Variants in RECQL4 observed in about 807,000 individuals in gnomAD.
RECQL4 encodes the protein ATP-dependent DNA helicase Q4.
In RECQL4, 158 loss-of-function variants were observed where a neutral mutation model predicts 128.6. That is an observed-to-expected ratio of 1.23 (90% CI 1.08 to 1.40). The LOEUF is 1.40. Among genes scored for constraint, RECQL4 ranks in the 40% most tolerant of loss-of-function variants. The pLI, the probability that RECQL4 is intolerant of heterozygous loss-of-function variation, is 0.00. For synonymous variants in RECQL4, 996 were observed against 678.9 expected (o/e 1.47, Z -7.26); for missense variants, 2,293 against 1,649.8 (o/e 1.39, Z -6.75).
At chr8:144,514,855 G>A (rs1009933341) in intron 9 of RECQL4, 81 bp downstream of exon 9, 22 of 1,526,156 alleles carry the variant, frequency 1.4e-5, no homozygotes, top group East Asian at 7.0e-5. Flanking sequence ...GGGTGGTTAG[G>A]GGACAAGCAG....
chr8:144,512,932 G>A lies in RECQL4; in HGVS notation c.2670C>T (p.Ala890=), dbSNP rs780935988. 46 of 1,578,682 alleles carry A rather than the reference G, an allele frequency of 2.9e-5. No individual in the cohort carries two copies. The African/African-American group carries it at 3.4e-4, about 12-fold the overall frequency. ...QEAEQLSHQA[A]PGPRRVCMGH... The stretch of plus-strand genomic sequence containing the variant: ...CCATGCAGACCCTTCTGGGTCCTGG[G>A]GCTGCTTGGTGGCTAAGCTGCTCAG... The change falls in exon 15 of 21, where the codon GCC becomes GCT. Residue 890 remains alanine (A), a synonymous_variant. Transcript: ENST00000617875.
In RECQL4 at chr8:144,517,037, G is replaced by A. The variant is rs757366794; in HGVS notation, c.354+13C>T. 1.2e-6 allele frequency: 2 copies of A among 1,605,114 alleles called. No homozygotes were observed. The highest frequency in any genetic ancestry group is 8.5e-7 in the Non-Finnish European group (1 of 1,173,912). On this transcript the variant is annotated intron_variant, in intron 4 of 20. Transcript: ENST00000617875. ...TGGACCTAGCGTGGACTCACTGCCTGCCCACTCCTCACCTGCAGGGTGCCT... is the reference window on the plus strand; with the variant it reads ...TGGACCTAGCGTGGACTCACTGCCTACCCACTCCTCACCTGCAGGGTGCCT...
rs778042700 is a variant in RECQL4 at position 144,516,767 on chromosome 8, G to A, written c.355-3C>T. The A allele has an allele frequency of 2.6e-6, 4 of 1,518,904 alleles. No individual in the cohort carries two copies. Among genetic ancestry groups the A allele is most frequent in the African/African-American group, 1.4e-5 (1 of 71,846 alleles). 94.1% of individuals were successfully genotyped at this position (1,518,904 alleles called of 1,614,324 possible). On this transcript the variant is annotated splice_polypyrimidine_tract_variant and splice_region_variant and intron_variant, in intron 4 of 20. Transcript: ENST00000617875. Reference sequence around the variant, plus strand: ...CTGCGGCCCAGGGCTGGTCCGGCCTGGGAGGGGAACAACAGAACAGCAGGA... The same window carrying A: ...CTGCGGCCCAGGGCTGGTCCGGCCTAGGAGGGGAACAACAGAACAGCAGGA...
chr8:144,514,907 T>C, intron 9 of RECQL4, 29 bp downstream of exon 9: 3 of 1,608,344 alleles, frequency 1.9e-6, no homozygotes, highest in South Asian at 1.1e-5. Context: ...CTTGGCTGTG[T>C]ACGTGTGCCC....
intron 4 of RECQL4, 37 bp downstream of exon 4, chr8:144,517,013 G>T: frequency 6.3e-7 from 1 of 1,587,136 alleles, no homozygotes; most frequent in Non-Finnish European, 8.6e-7. Context: ...AAGCAGCTGT[G>T]GACCTAGCGT....
intron 2 of RECQL4, 38 bp downstream of exon 2, chr8:144,517,564 G>A: frequency 1.3e-6 from 2 of 1,502,418 alleles, no homozygotes; most frequent in Non-Finnish European, 8.8e-7. Context: ...CTGCCGACCC[G>A]GTGTCTTCTC....
At position 144,511,926 on chromosome 8, in the gene RECQL4, C is replaced by G; in HGVS notation, c.3378G>C (p.Glu1126Asp). The G allele has an allele frequency of 6.2e-7, 1 of 1,611,112 alleles. No homozygotes were observed. The highest frequency in any genetic ancestry group is 8.5e-7 in the Non-Finnish European group (1 of 1,179,776). The change falls in exon 19 of 21, where the codon GAG (glutamate) becomes GAC (aspartate). Residue 1126 changes from glutamate (E) to aspartate (D), a missense_variant. Coordinates refer to ENST00000617875, the MANE Select transcript of RECQL4 (RefSeq NM_004260.4). ...CTGCACTCACTCTGGCCTGCCCTGG[C>G]TCGGGGCCCTGTGCGTCCTCCATGC... ...PGGMEDAQGP[E>D]PGQARLQDWE...
intron 2 of RECQL4, 30 bp downstream of exon 2, chr8:144,517,572 C>A: frequency 6.7e-7 from 1 of 1,485,776 alleles, no homozygotes; most frequent in Non-Finnish European, 8.9e-7. Flanking sequence ...CCGGTGTCTT[C>A]TCGCCCCCGC....
rs747445357 is a variant in RECQL4 at position 144,513,417 on chromosome 8, C to T, written c.2264G>A (p.Arg755Gln). Residue 755 changes from arginine (R) to glutamine (Q), a missense_variant, in exon 14 of 21, where the codon CGG becomes CAG. By Grantham distance (43) the Arg-to-Gln change is conservative (BLOSUM62 1). Coordinates refer to ENST00000617875, the MANE Select transcript of RECQL4 (RefSeq NM_004260.4). ...GCCCTGCATGAAGGCTCGCTGTACC[C>T]GCCGCCGTTCCCGGCTGCACATGCC... ...HAGMCSRERR[R>Q]VQRAFMQGQL... 86 of 1,609,106 alleles carry T rather than the reference C, an allele frequency of 5.3e-5. 1 individual carries two copies. The East Asian group carries it at 1.5e-3, about 28-fold the overall frequency.
chr8:144,514,572 C>A, intron 9 of RECQL4, 47 bp from the exon 10 acceptor site: 1 of 1,571,548 alleles, frequency 6.4e-7, no homozygotes, highest in South Asian at 1.2e-5. Context: ...CCAGCCCTGG[C>A]CCTTCCCCAA....
intron 2 of RECQL4, 25 bp downstream of exon 2, chr8:144,517,577 C>T (rs1586834610): frequency 2.0e-6 from 3 of 1,477,866 alleles, no homozygotes; most frequent in Non-Finnish European, 2.7e-6. Context: ...GTCTTCTCGC[C>T]CCCGCCGCCC....
At position 144,513,471 on chromosome 8, in the gene RECQL4, G is replaced by T. The variant is rs773886849; in HGVS notation, c.2210C>A (p.Pro737His). ...GTGGTAGGCCTCGGCTGTGGTTTTGGGGGCACGACCTTTGGGGAAGACAGG... is the reference window on the plus strand; with the variant it reads ...GTGGTAGGCCTCGGCTGTGGTTTTGTGGGCACGACCTTTGGGGAAGACAGG... ...AWVPGSGGRA[P>H]KTTAEAYHAG... The change falls in exon 14 of 21, where the codon CCC becomes CAC. Residue 737 changes from proline to histidine, a missense_variant. Transcript: ENST00000617875. 1.9e-6 allele frequency: 3 copies of T among 1,609,872 alleles called. No individual in the cohort carries two copies. The highest frequency in any genetic ancestry group is 1.7e-4 in the Middle Eastern group (1 of 6,060).
At position 144,515,087 on chromosome 8, in the gene RECQL4, AG is replaced by A; in HGVS notation, c.1484-16del. The A allele has an allele frequency of 6.3e-7, 1 of 1,597,286 alleles. No individual in the cohort carries two copies. The highest frequency in any genetic ancestry group is 8.5e-7 in the Non-Finnish European group (1 of 1,173,036). On this transcript the variant is annotated splice_polypyrimidine_tract_variant and intron_variant, in intron 8 of 20. Transcript: ENST00000617875. The stretch of plus-strand genomic sequence containing the variant: ...CGTGGAGATGCCTGGATGGGGCGGG[AG>A]TCAGCAGCAGGGTTCTGCAGCCTGG...
chr8:144,516,694 G>A lies in RECQL4; in HGVS notation c.425C>T (p.Pro142Leu), dbSNP rs370312522. 42 of 1,561,506 alleles carry A rather than the reference G, an allele frequency of 2.7e-5. No individual in the cohort carries two copies. The highest frequency in any genetic ancestry group is 3.5e-5 in the Non-Finnish European group (40 of 1,155,530). ...RASSKASTPK[P>L]PGTGPVPSFA... ...GGAGGGGACAGGCCCTGTACCTGGG[G>A]GCTTTGGGGTGGATGCCTTAGATGA... Residue 142 changes from proline to leucine, a missense_variant, in exon 5 of 21, where the codon CCC becomes CTC. Coordinates refer to ENST00000617875, the MANE Select transcript of RECQL4 (RefSeq NM_004260.4).
In RECQL4 at chr8:144,516,235, T is replaced by C; in HGVS notation, c.884A>G (p.Glu295Gly). ...TACAGGTTCCCCTGGAGGGTCTTCCTCAACTGCTACAGCCCCAGCCCCCTC... is the reference window on the plus strand; with the variant it reads ...TACAGGTTCCCCTGGAGGGTCTTCCCCAACTGCTACAGCCCCAGCCCCCTC... ...PSEGAGAVAV[E>G]EDPPGEPVQA... The change falls in exon 5 of 21, where the codon GAG becomes GGG. Residue 295 changes from glutamate (E) to glycine (G), a missense_variant. Glu to Gly is a moderately conservative substitution (Grantham distance 98). Transcript: ENST00000617875. 6.2e-7 allele frequency: 1 copy of C among 1,613,004 alleles called. No individual in the cohort carries two copies. Among genetic ancestry groups the C allele is most frequent in the Non-Finnish European group, 8.5e-7 (1 of 1,179,832 alleles).
rs1586810852 is a variant in RECQL4, at chr8:144,514,318, T to G, written c.1749A>C (p.Ala583=). 1.9e-6 allele frequency: 3 copies of G among 1,608,720 alleles called. No individual in the cohort carries two copies. Among genetic ancestry groups the G allele is most frequent in the Non-Finnish European group, 1.7e-6 (2 of 1,177,602 alleles). The part of the protein sequence containing the change: ...QVHVLMLTPE[A]LVGAGGLPPA... ...GAGGGAGGCCTCCCGCCCCCACCAG[T>G]GCCTCAGGTGTCAGCATCAGCACGT... Residue 583 remains alanine, a synonymous_variant, in exon 11 of 21, where the codon GCA becomes GCC. Transcript: ENST00000617875.
Position 144,515,252 on chromosome 8 carries a change from C to A in RECQL4, c.1391-10G>T, listed in dbSNP as rs1564802576. 6.2e-7 allele frequency: 1 copy of A among 1,602,384 alleles called. No homozygotes were observed. Among genetic ancestry groups the A allele is most frequent in the Non-Finnish European group, 8.5e-7 (1 of 1,175,128 alleles). ...ACCTCAGCCGGCGTCTCTGCAGACA[C>A]AGATGTTGATCACCATGACTTGAGT... On this transcript the variant is annotated splice_polypyrimidine_tract_variant and intron_variant, in intron 7 of 20. Coordinates refer to ENST00000617875, the MANE Select transcript of RECQL4 (RefSeq NM_004260.4).
At position 144,512,730 on chromosome 8, in the gene RECQL4, G is replaced by A; in HGVS notation, c.2797C>T (p.His933Tyr). 1.2e-6 allele frequency: 2 copies of A among 1,612,326 alleles called. No individual in the cohort carries two copies. Among genetic ancestry groups the A allele is most frequent in the Non-Finnish European group, 1.7e-6 (2 of 1,179,826 alleles). ...LLCYLELHPH[H>Y]WLELLATTYT... ...GTGGTCGCCAGCAGCTCCAGCCAGT[G>A]GTGTGGGTGCAGCTCCAGGTAGCAC... Residue 933 changes from histidine (H) to tyrosine (Y), a missense_variant, in exon 16 of 21, where the codon CAC (histidine) becomes TAC (tyrosine). His to Tyr is a moderately conservative substitution (Grantham distance 83, BLOSUM62 2). Transcript: ENST00000617875.
In RECQL4 at chr8:144,512,450, C is replaced by T. The variant is rs902652277; in HGVS notation, c.2997G>A (p.Glu999=). 5 of 1,611,496 alleles carry T rather than the reference C, an allele frequency of 3.1e-6. No individual in the cohort carries two copies. In the African/African-American group the frequency reaches 6.7e-5, roughly 22 times the overall value. Residue 999 remains glutamate, a synonymous_variant, in exon 17 of 21, where the codon GAG becomes GAA. Coordinates refer to ENST00000617875, the MANE Select transcript of RECQL4 (RefSeq NM_004260.4). ...AGAGAGCCCGCCGCACAGAGGCCAG[C>T]TCCCAGCCCATGGAGTCCACCAGCT... ...MVKLVDSMGW[E]LASVRRALCQ...
Sources: allele counts gnomAD v4.1 joint callset, GRCh38; gene constraint gnomAD v4.1.1; transcripts MANE v1.5; gene names NCBI Gene and HGNC (gene_info 2026-07-23, HGNC 2026-07-21).